Variants in NAAA observed in about 807,000 individuals in gnomAD.
NAAA encodes N-acylethanolamine-hydrolyzing acid amidase.
A neutral mutation model predicts 44.8 loss-of-function variants in NAAA; 39 were observed. The observed-to-expected ratio is 0.87, with a 90% confidence interval of 0.67 to 1.14. NAAA has a LOEUF of 1.14. NAAA is among the 50% of genes most tolerant of loss of function. NAAA has a pLI of 0.00. For missense variants in NAAA, 460 were observed against 467.8 expected, an observed-to-expected ratio of 0.98 and a Z score of 0.15; for synonymous variants, 178 against 191.3, an observed-to-expected ratio of 0.93 and a Z score of 0.58.
Position 75,914,849 on chromosome 4 carries a change from C to G in NAAA, c.*36+19G>C. 1 of 1,591,936 alleles carries G rather than the reference C, an allele frequency of 6.3e-7. No homozygotes were observed. On this transcript the variant is annotated intron_variant, in intron 10 of 10. Transcript: ENST00000286733. ...ACACACCCACCTCACCCCCTCTCCA[C>G]AAAACAGTAACAACAAACCTTTCAC... is the stretch of plus-strand genomic sequence containing the variant.
intron 2 of NAAA, among the ~76,000 whole-genome samples, chr4:75,937,094 G>A (rs1727794967): frequency 6.6e-6 from 1 of 152,164 alleles, no homozygotes; most frequent in African/African-American, 2.4e-5. Flanking sequence ...GGGGAAAAAA[G>A]TGTTACTTTT....
intron 7 of NAAA, 48 bp downstream of exon 7, chr4:75,920,690 C>T: frequency 6.2e-7 from 1 of 1,609,332 alleles, no homozygotes; most frequent in South Asian, 1.1e-5. Flanking sequence ...GGCATATTCT[C>T]CTGACCATAA....
Position 75,920,819 on chromosome 4 carries a change from T to C in NAAA, c.840-19A>G, listed in dbSNP as rs1726082704. The C allele has an allele frequency of 6.2e-7, 1 of 1,614,216 alleles. No homozygotes were observed. The highest frequency in any genetic ancestry group is 8.5e-7 in the Non-Finnish European group (1 of 1,180,044). On this transcript the variant is annotated intron_variant, in intron 6 of 10. Transcript: ENST00000286733. Reference sequence around the variant, plus strand: ...GAACCACCTACAACAGAGCACATCATCTTGTCTTATCCAAGGCAATTTACG... The same window carrying C: ...GAACCACCTACAACAGAGCACATCACCTTGTCTTATCCAAGGCAATTTACG...
chr4:75,934,619 G>A (rs564257015), intron 3 of NAAA, among the ~76,000 whole-genome samples: 14 of 151,884 alleles, frequency 9.2e-5, no homozygotes, highest in East Asian at 3.9e-4. Context: ...GAGCCACCGC[G>A]CCCAGCCAAA....
At chr4:75,925,423 A>G (rs984533893) in intron 5 of NAAA, among the ~76,000 whole-genome samples, 3 of 152,126 alleles carry the variant, frequency 2.0e-5, no homozygotes, top group African/African-American at 4.8e-5. Context: ...TTCTCTGACT[A>G]TCCTAAGCTC....
intron 2 of NAAA, among the ~76,000 whole-genome samples, chr4:75,937,996 C>G (rs1016551008): frequency 7.2e-5 from 11 of 152,228 alleles, no homozygotes; most frequent in Non-Finnish European, 1.5e-4. Flanking sequence ...AGGAAACAGG[C>G]TCTGCTTTGA....
intron 1 of NAAA, among the ~76,000 whole-genome samples, 172 bp downstream of exon 1, chr4:75,940,572 C>A (rs541627242): frequency 6.6e-6 from 1 of 152,398 alleles, no homozygotes; most frequent in South Asian, 2.1e-4. Flanking sequence ...GCCGAACCTG[C>A]CGCGCTGGAT....
intron 9 of NAAA, 33 bp from the exon 10 acceptor site, chr4:75,915,018 C>T (rs2149240210): frequency 1.4e-6 from 2 of 1,472,452 alleles, no homozygotes; most frequent in East Asian, 4.5e-5. Flanking sequence ...ATGTACACAT[C>T]ATTTTCTCTA....
chr4:75,935,064 T>G (rs1727589333), intron 3 of NAAA: 1 of 152,252 alleles, frequency 6.6e-6, no homozygotes, highest in African/African-American at 2.4e-5. Flanking sequence ...GAATTTATTA[T>G]GCATTTATAT....
intron 9 of NAAA, among the ~76,000 whole-genome samples, chr4:75,917,932 T>A (rs1354710293): frequency 6.6e-6 from 1 of 152,052 alleles, no homozygotes; most frequent in African/African-American, 2.4e-5. Context: ...AAGGAACAGC[T>A]TCGGAGATAG....
rs1285303086 is a variant in NAAA at position 75,936,195 on chromosome 4, T to G, written c.412A>C (p.Ile138Leu). 3 of 1,613,992 alleles carry G rather than the reference T, an allele frequency of 1.9e-6. No individual in the cohort carries two copies. The South Asian group carries it at 3.3e-5, about 18-fold the overall frequency. ...SIVAQDSRGH[I>L]YHGRNLDYPF... Reference sequence around the variant, plus strand: ...TAATCCAAATTCCGACCATGGTAAATGTGGCCTCTGGAGTCTTGAGCCACA... The same window carrying G: ...TAATCCAAATTCCGACCATGGTAAAGGTGGCCTCTGGAGTCTTGAGCCACA... The change falls in exon 3 of 11, where the codon ATT becomes CTT. Residue 138 changes from isoleucine to leucine, a missense_variant. Transcript: ENST00000286733.
At chr4:75,928,848 C>T (rs1023297018) in intron 4 of NAAA, among the ~76,000 whole-genome samples, 4 of 150,736 alleles carry the variant, frequency 2.7e-5, no homozygotes, top group Non-Finnish European at 2.9e-5. Flanking sequence ...AGTGCAGTGG[C>T]GCGATCTCGG....
intron 4 of NAAA, among the ~76,000 whole-genome samples, chr4:75,926,080 T>C (rs1360399979): frequency 6.6e-6 from 1 of 152,164 alleles, no homozygotes; most frequent in Non-Finnish European, 1.5e-5. Flanking sequence ...CACCTGTGAT[T>C]TGTGCTCACA....
chr4:75,921,997 G>A (rs188203034), intron 5 of NAAA, among the ~76,000 whole-genome samples: 1 of 152,218 alleles, frequency 6.6e-6, no homozygotes, highest in African/African-American at 2.4e-5. Flanking sequence ...TGGAGGGCCT[G>A]CTCTTCCTGT....
chr4:75,936,123 A>T lies in NAAA; in HGVS notation c.484T>A (p.Leu162Ile), dbSNP rs1560518884. The stretch of plus-strand genomic sequence containing the variant: ...ACGGATTATACCTGCCCATTCTTTA[A>T]GAATTGCACATCCACTGTCAGCTTG... ...LRKLTVDVQF[L>I]KNGQIAFTGT... The change falls in exon 3 of 11, where the codon TTA becomes ATA. Residue 162 changes from leucine to isoleucine, a missense_variant. Transcript: ENST00000286733. The T allele has an allele frequency of 4.3e-6, 7 of 1,614,090 alleles. No individual in the cohort carries two copies. The highest frequency in any genetic ancestry group is 5.1e-6 in the Non-Finnish European group (6 of 1,180,008).
chr4:75,940,914 A>G lies in NAAA; in HGVS notation c.36T>C (p.Leu12=). 1 of 1,512,206 alleles carries G rather than the reference A, an allele frequency of 6.6e-7. No individual in the cohort carries two copies. The highest frequency in any genetic ancestry group is 2.1e-5 in the Admixed American group (1 of 48,448). The allele number at this position is 1,512,206 out of a possible 1,614,324, so 93.7% of individuals were successfully genotyped here. ...RTADREARPG[L]PSLLLLLLAG... ...CCAGCAGCAGCAGCAGCAGGGACGG[A>G]AGCCCCGGGCGCGCCTCCCGGTCCG... Residue 12 remains leucine, a synonymous_variant, in exon 1 of 11, where the codon CTT becomes CTC. Transcript: ENST00000286733.
rs781494116 is a variant in NAAA, at chr4:75,936,150, G to A, written c.457C>T (p.Arg153Cys). The A allele has an allele frequency of 2.0e-5, 33 of 1,613,852 alleles. No homozygotes were observed. Among genetic ancestry groups the A allele is most frequent in the East Asian group, 4.5e-5 (2 of 44,886 alleles). ...NLDYPFGNVLRKLTVDVQFLK... is the reference protein window; with the variant it reads ...NLDYPFGNVLCKLTVDVQFLK... Reference sequence around the variant, plus strand: ...AATTGCACATCCACTGTCAGCTTGCGTAAGACATTCCCAAAAGGATAATCC... The same window carrying A: ...AATTGCACATCCACTGTCAGCTTGCATAAGACATTCCCAAAAGGATAATCC... The change falls in exon 3 of 11, where the codon CGC (arginine) becomes TGC (cysteine). Residue 153 changes from arginine (R) to cysteine (C), a missense_variant. Coordinates refer to ENST00000286733, the MANE Select transcript of NAAA (RefSeq NM_014435.4).
At chr4:75,923,480 C>A (rs1267040423) in intron 5 of NAAA, among the ~76,000 whole-genome samples, 1 of 151,990 alleles carries the variant, frequency 6.6e-6, no homozygotes, top group Non-Finnish European at 1.5e-5. Context: ...GCTGTGCCAA[C>A]AGAAAAGGGC....
At chr4:75,911,350 C>G (rs921153229), downstream of NAAA, 1 of 504,112 alleles carries the variant, frequency 2.0e-6, no homozygotes, top group Non-Finnish European at 4.0e-6. Context: ...GTTCTTCTTG[C>G]TCACTGCACA....
Sources: allele counts gnomAD v4.1 joint callset (sites outside exome capture counted in the v4.1 genomes callset), GRCh38; gene constraint gnomAD v4.1.1; transcripts MANE v1.5; gene names NCBI Gene and HGNC (gene_info 2026-07-23, HGNC 2026-07-21).